The following CPNE4 variants were observed in gnomAD, a reference collection of about 807,000 sequenced individuals.
CPNE4 encodes copine 4, also known as copine-4.
A neutral mutation model predicts 67.9 loss-of-function variants in CPNE4; 25 were observed. The ratio of observed to expected loss-of-function variants is 0.37; its 90% CI spans 0.27 to 0.51. The LOEUF (loss-of-function observed/expected upper bound fraction) is 0.51. Ranked by LOEUF, CPNE4 falls within the 20% of genes least tolerant of loss-of-function variation. CPNE4 has a pLI of 0.93. For missense variants in CPNE4, 464 were observed against 690.8 expected (o/e 0.67, Z 3.68); for synonymous variants, 242 against 244.9 (o/e 0.99, Z 0.11).
intron 1 of CPNE4, among the ~76,000 whole-genome samples, chr3:131,982,365 G>T (rs1319527922): frequency 6.6e-6 from 1 of 152,138 alleles, no homozygotes; most frequent in African/African-American, 2.4e-5. Flanking sequence ...ATTCTTAAGA[G>T]CCCAATTAAA....
At chr3:131,763,637 C>T (rs2082943811) in intron 2 of CPNE4, among the ~76,000 whole-genome samples, 1 of 152,070 alleles carries the variant, frequency 6.6e-6, no homozygotes, top group Non-Finnish European at 1.5e-5. Context: ...CAGATTTCAC[C>T]TGTCTCAGGA....
chr3:131,931,255 A>T (rs1409750740), intron 1 of CPNE4, among the ~76,000 whole-genome samples: 2 of 152,184 alleles, frequency 1.3e-5, no homozygotes, highest in Non-Finnish European at 1.5e-5. Flanking sequence ...CAAATACTGC[A>T]AACATGTTTC....
intron 2 of CPNE4, among the ~76,000 whole-genome samples, chr3:131,792,315 C>G (rs897916850): frequency 3.2e-4 from 49 of 151,918 alleles, no homozygotes; most frequent in African/African-American, 1.0e-3. Flanking sequence ...TATTTTAATA[C>G]CAGTGTAAGA....
At chr3:131,967,531 G>C (rs929276677) in intron 1 of CPNE4, among the ~76,000 whole-genome samples, 2 of 152,082 alleles carry the variant, frequency 1.3e-5, no homozygotes, top group Admixed American at 6.6e-5. Context: ...AAAGTCTCAG[G>C]ATACAAAATC....
At chr3:131,902,096 A>G (rs1263528462) in intron 2 of CPNE4, among the ~76,000 whole-genome samples, 1 of 145,186 alleles carries the variant, frequency 6.9e-6, no homozygotes, top group African/African-American at 2.5e-5. Context: ...TATTATTATT[A>G]TATCCTTACT....
chr3:131,910,267 G>A (rs747502), intron 1 of CPNE4, among the ~76,000 whole-genome samples: 4 of 151,852 alleles, frequency 2.6e-5, no homozygotes, highest in Non-Finnish European at 4.4e-5. Context: ...TATTTCTTCC[G>A]AACTCCTACC....
At chr3:131,815,711 T>C (rs1178138336) in intron 2 of CPNE4, among the ~76,000 whole-genome samples, 1 of 152,180 alleles carries the variant, frequency 6.6e-6, no homozygotes, top group Non-Finnish European at 1.5e-5. Context: ...GGTGGACTTA[T>C]ATCCTAAAGA....
intron 2 of CPNE4, among the ~76,000 whole-genome samples, chr3:131,888,038 C>CTGG (rs1411367364): frequency 5.1e-4 from 78 of 152,238 alleles, no homozygotes; most frequent in African/African-American, 1.8e-3. Context: ...ATAAATTATC[C>CTGG]CCAGCCTTCT....
intron 2 of CPNE4, among the ~76,000 whole-genome samples, chr3:131,874,354 C>G (rs1227799801): frequency 6.6e-6 from 1 of 152,198 alleles, no homozygotes; most frequent in Non-Finnish European, 1.5e-5. Flanking sequence ...TCCCAAAGTG[C>G]TGGGATTACA....
intron 7 of CPNE4, among the ~76,000 whole-genome samples, chr3:131,592,820 A>T (rs1422209484): frequency 6.6e-6 from 1 of 150,846 alleles, no homozygotes; most frequent in Non-Finnish European, 1.5e-5. Context: ...CAGAGGAAGA[A>T]CCTGCTCACT....
intron 2 of CPNE4, among the ~76,000 whole-genome samples, chr3:131,835,747 A>G (rs1008015517): frequency 2.5e-4 from 38 of 152,028 alleles, no homozygotes; most frequent in African/African-American, 9.2e-4. Flanking sequence ...GGTCTGTGCA[A>G]TGGAGCCCTA....
At chr3:131,708,498 T>A (rs1193314960) in intron 3 of CPNE4, among the ~76,000 whole-genome samples, 1 of 152,016 alleles carries the variant, frequency 6.6e-6, no homozygotes, top group Non-Finnish European at 1.5e-5. Context: ...GATGGAGGAA[T>A]GTATAAAGAA....
chr3:131,747,091 G>C (rs2082507404), intron 2 of CPNE4, among the ~76,000 whole-genome samples: 1 of 147,330 alleles, frequency 6.8e-6, no homozygotes, highest in African/African-American at 2.5e-5. Flanking sequence ...TGTCTATTTA[G>C]GTCTTTTGCC....
intron 7 of CPNE4, among the ~76,000 whole-genome samples, chr3:131,588,847 TA>T (rs900348935): frequency 3.0e-4 from 46 of 152,308 alleles, no homozygotes; most frequent in African/African-American, 1.1e-3. Context: ...TGTCTATTCC[TA>T]CTGCTCCTTC....
rs547796572 is a variant in CPNE4 at position 131,958,963 on chromosome 3, C to T, written c.-1-53519G>A. 2.6e-4 allele frequency among the ~76,000 whole-genome samples: 9 copies of T among 34,846 alleles called. 1 individual carries two copies. In the East Asian group the frequency reaches 9.7e-3, roughly 38 times the overall value. 22.9% of individuals were successfully genotyped at this position (34,846 alleles called of 152,430 possible). On this transcript the variant is annotated intron_variant, in intron 1 of 15. Coordinates refer to ENST00000429747, the MANE Select transcript of CPNE4 (RefSeq NM_130808.3). ...GTGAGCCACGGCTCCCGGCCTGATA[C>T]ACCTTTCTTTTTTTTTTTTTTTTTT...
chr3:131,978,787 T>C (rs2072823984), intron 1 of CPNE4, among the ~76,000 whole-genome samples: 1 of 151,034 alleles, frequency 6.6e-6, no homozygotes, highest in Non-Finnish European at 1.5e-5. Flanking sequence ...GACCTTACAG[T>C]GTCGGTCTGT....
chr3:131,692,498 G>A (rs367942762), intron 5 of CPNE4, among the ~76,000 whole-genome samples: 59 of 152,270 alleles, frequency 3.9e-4, no homozygotes, highest in African/African-American at 1.4e-3. Flanking sequence ...TAGAGTAGGG[G>A]TCAGCAAACT....
intron 1 of CPNE4, among the ~76,000 whole-genome samples, chr3:131,909,773 C>T (rs1273704301): frequency 6.6e-6 from 1 of 152,078 alleles, no homozygotes; most frequent in African/African-American, 2.4e-5. Context: ...TGGATTGATA[C>T]ATGCAATCAC....
intron 3 of CPNE4, among the ~76,000 whole-genome samples, chr3:131,714,950 T>A (rs910309011): frequency 2.0e-5 from 3 of 152,120 alleles, no homozygotes; most frequent in African/African-American, 7.2e-5. Context: ...TTGACAGGTG[T>A]CCTCTGAACT....
Sources: gnomAD v4.1 joint callset for allele counts (sites outside exome capture counted in the v4.1 genomes callset) on GRCh38, gnomAD v4.1.1 for gene constraint, MANE v1.5 for transcripts, NCBI Gene and HGNC (gene_info 2026-07-23, HGNC 2026-07-21) for gene names.